FHIT: variants seen among roughly 807,000 people sequenced by gnomAD.
FHIT encodes fragile histidine triad diadenosine triphosphatase.
Under a neutral mutation model 17.9 loss-of-function variants are expected in FHIT, and 19 were observed. The observed-to-expected ratio is 1.06, with a 90% CI of 0.74 to 1.56. FHIT has a LOEUF of 1.56. Among genes scored for constraint, FHIT ranks in the 40% most tolerant of loss-of-function variants. FHIT has a pLI of 0.00. For synonymous variants in FHIT, 81 were observed against 69.7 expected, an observed-to-expected ratio of 1.16 and a Z score of -0.81; for missense variants, 248 against 189.2, an observed-to-expected ratio of 1.31 and a Z score of -1.82.
chr3:60,550,382 C>A (rs2036506163), intron 4 of FHIT, among the ~76,000 whole-genome samples: 1 of 151,898 alleles, frequency 6.6e-6, no homozygotes, highest in African/African-American at 2.4e-5. Context: ...TTGAAGTGTC[C>A]CAGAATTTAA....
chr3:60,969,302 TA>T (rs1204065373), intron 3 of FHIT, among the ~76,000 whole-genome samples: 3 of 152,166 alleles, frequency 2.0e-5, no homozygotes, highest in Admixed American at 6.5e-5. Flanking sequence ...TTTACTGGCA[TA>T]AAATCTTACT....
At chr3:60,437,068 T>G (rs1022407138) in intron 5 of FHIT, among the ~76,000 whole-genome samples, 3 of 152,240 alleles carry the variant, frequency 2.0e-5, no homozygotes, top group East Asian at 1.9e-4. Flanking sequence ...CTCTTCCCCC[T>G]GTTCACAGGA....
chr3:59,982,596 A>C (rs1393747546), intron 7 of FHIT, among the ~76,000 whole-genome samples: 4 of 152,168 alleles, frequency 2.6e-5, no homozygotes, highest in Non-Finnish European at 5.9e-5. Flanking sequence ...TGCCCTCTTT[A>C]ATCTGCTTTA....
At chr3:60,986,719 T>C (rs1054177338) in intron 3 of FHIT, among the ~76,000 whole-genome samples, 1 of 152,150 alleles carries the variant, frequency 6.6e-6, no homozygotes, top group Non-Finnish European at 1.5e-5. Context: ...CAGAGATAGC[T>C]TCACCACACA....
At chr3:60,660,010 A>G (rs2040203340) in intron 4 of FHIT, among the ~76,000 whole-genome samples, 1 of 152,150 alleles carries the variant, frequency 6.6e-6, no homozygotes, top group Non-Finnish European at 1.5e-5. Context: ...TCCTTCTCAC[A>G]TCTTTTGTGA....
intron 8 of FHIT, among the ~76,000 whole-genome samples, chr3:59,811,958 C>T (rs1267001334): frequency 6.6e-6 from 1 of 152,154 alleles, no homozygotes; most frequent in Admixed American, 6.5e-5. Context: ...CCCTTGGCAG[C>T]TCATCCTACC....
chr3:60,561,593 A>T (rs181724608), intron 4 of FHIT, among the ~76,000 whole-genome samples: 1 of 152,260 alleles, frequency 6.6e-6, no homozygotes, highest in East Asian at 1.9e-4. Flanking sequence ...AAATGAAGAA[A>T]AAGTTCAGGC....
chr3:61,132,708 G>A (rs1037070714), intron 2 of FHIT, among the ~76,000 whole-genome samples: 2 of 152,218 alleles, frequency 1.3e-5, no homozygotes, highest in Non-Finnish European at 2.9e-5. Context: ...CCACAGCACA[G>A]GCAACATGGT....
intron 5 of FHIT, among the ~76,000 whole-genome samples, chr3:60,311,431 T>C (rs993080516): frequency 9.9e-5 from 15 of 152,272 alleles, no homozygotes; most frequent in African/African-American, 3.6e-4. Flanking sequence ...TCATGAATGG[T>C]GATGTGAATT....
intron 3 of FHIT, among the ~76,000 whole-genome samples, chr3:60,860,083 A>C (rs1047306836): frequency 1.4e-5 from 2 of 148,080 alleles, no homozygotes; most frequent in Non-Finnish European, 1.5e-5. Flanking sequence ...TATCTGATAT[A>C]TGATATATAT....
intron 5 of FHIT, among the ~76,000 whole-genome samples, chr3:60,186,985 C>G (rs929296179): frequency 6.6e-6 from 1 of 152,120 alleles, no homozygotes; most frequent in Non-Finnish European, 1.5e-5. Flanking sequence ...TTTACCAGTT[C>G]ATGCCCGTAG....
In FHIT at chr3:60,644,217, T is replaced by C. The variant is rs146008741; in HGVS notation, c.-17-107238A>G. Among the ~76,000 whole-genome samples the C allele has an allele frequency of 3.2e-3, 494 of 152,350 alleles. 2 individuals carry two copies. The highest frequency in any genetic ancestry group is 0.012 in the African/African-American group (481 of 41,578). ...AGACTGAAAAAGAGAAAATTTAACA[T>C]GCTTTCCTGCTACTGAATCTATTCT... On this transcript the variant is annotated intron_variant, in intron 4 of 9. Transcript: ENST00000492590.
chr3:59,776,676 C>G (rs1362474716), intron 8 of FHIT, among the ~76,000 whole-genome samples: 1 of 152,160 alleles, frequency 6.6e-6, no homozygotes, highest in African/African-American at 2.4e-5. Context: ...AGAACATAAA[C>G]CAGATCAAAT....
At chr3:61,231,572 C>T (rs2040103242) in intron 1 of FHIT, among the ~76,000 whole-genome samples, 1 of 151,666 alleles carries the variant, frequency 6.6e-6, no homozygotes, top group Non-Finnish European at 1.5e-5. Context: ...CAGATTCAAA[C>T]TCAATAAATA....
chr3:60,724,772 A>G (rs1292563390), intron 4 of FHIT, among the ~76,000 whole-genome samples: 1 of 148,592 alleles, frequency 6.7e-6, no homozygotes, highest in Non-Finnish European at 1.5e-5. Context: ...CCTTAGCCTC[A>G]TGAGTAGCTG....
At chr3:60,098,665 T>C (rs914157739) in intron 5 of FHIT, among the ~76,000 whole-genome samples, 16 of 152,198 alleles carry the variant, frequency 1.1e-4, no homozygotes, top group Non-Finnish European at 1.6e-4. Flanking sequence ...ATTTTGTAGG[T>C]TGCCTGTTCA....
At chr3:61,183,832 A>G (rs2038419103) in intron 2 of FHIT, among the ~76,000 whole-genome samples, 1 of 151,698 alleles carries the variant, frequency 6.6e-6, no homozygotes, top group South Asian at 2.1e-4. Context: ...ACGTTTACAA[A>G]GAAAATGGAG....
At chr3:61,019,941 A>G (rs1488984694) in intron 3 of FHIT, among the ~76,000 whole-genome samples, 3 of 152,122 alleles carry the variant, frequency 2.0e-5, no homozygotes, top group East Asian at 3.9e-4. Flanking sequence ...AGGTATACAC[A>G]TGCCATAGTG....
chr3:60,821,173 AC>A (rs1393533186), intron 4 of FHIT, among the ~76,000 whole-genome samples: 4 of 152,084 alleles, frequency 2.6e-5, no homozygotes, highest in Admixed American at 6.5e-5. Flanking sequence ...ATGAGGTTTC[AC>A]CATGTTGGCC....
Sources: gnomAD v4.1 joint callset for allele counts (sites outside exome capture counted in the v4.1 genomes callset) on GRCh38, gnomAD v4.1.1 for gene constraint, MANE v1.5 for transcripts, NCBI Gene and HGNC (gene_info 2026-07-23, HGNC 2026-07-21) for gene names.